L3MBTL4: variants seen among roughly 807,000 people sequenced by gnomAD.
The protein encoded by L3MBTL4 is L3MBTL histone methyl-lysine binding protein 4.
In L3MBTL4, 70 loss-of-function variants were observed where a neutral mutation model predicts 84.5. The ratio of observed to expected loss-of-function variants is 0.83; its 90% CI spans 0.68 to 1.01. L3MBTL4 has a LOEUF of 1.01. Ranked by LOEUF, L3MBTL4 falls within the 50% of genes least tolerant of loss-of-function variation. L3MBTL4 has a pLI of 0.00. For missense variants in L3MBTL4, 715 were observed against 754.8 expected (o/e 0.95, Z 0.62); for synonymous variants, 274 against 259.8 (o/e 1.05, Z -0.52).
rs964027486 is a variant in L3MBTL4, at chr18:5,956,286, C to G, written c.1779G>C (p.Leu593=). The G allele has an allele frequency of 4.3e-6, 7 of 1,614,050 alleles. No homozygotes were observed. Among genetic ancestry groups the G allele is most frequent in the Non-Finnish European group, 5.1e-6 (6 of 1,179,946 alleles). Residue 593 remains leucine (L), a synonymous_variant, in exon 19 of 19, where the codon CTG becomes CTC. Coordinates refer to ENST00000317931, the MANE Select transcript of L3MBTL4 (RefSeq NM_001330559.2). ...GPALKIYNSI[L]MFRHSQELPE... is the part of the protein sequence containing the mutation. The stretch of plus-strand genomic sequence containing the variant: ...GGAGTTCCTGGGAATGCCTGAACAT[C>G]AGGATAGAGTTGTAAATCTTCAGTG...
chr18:6,255,076 T>A (rs2048082313), intron 5 of L3MBTL4, among the ~76,000 whole-genome samples: 1 of 152,230 alleles, frequency 6.6e-6, no homozygotes, highest in South Asian at 2.1e-4. Context: ...GAGTCTAGTG[T>A]CTAAAACAAT....
rs570957634 is a variant in L3MBTL4 at position 6,241,244 on chromosome 18, G to A, written c.552+114C>T. On this transcript the variant is annotated intron_variant, in intron 8 of 18. Transcript: ENST00000317931. The stretch of plus-strand genomic sequence containing the variant: ...AATTAGGTGAGAAAAGTGACAGGAA[G>A]TTAACAGTTTCCATAACTTCTTAAA... The A allele has an allele frequency of 6.7e-4, 458 of 686,132 alleles. 1 individual carries two copies. In the African/African-American group the frequency reaches 7.7e-3, roughly 12 times the overall value. 42.5% of individuals were successfully genotyped at this position (686,132 alleles called of 1,614,324 possible).
intron 13 of L3MBTL4, among the ~76,000 whole-genome samples, chr18:6,163,705 C>T (rs2043482733): frequency 6.6e-6 from 1 of 152,100 alleles, no homozygotes; most frequent in African/African-American, 2.4e-5. Context: ...GAGGGTGAAG[C>T]CAAGATGGCC....
At chr18:6,099,203 A>G (rs1357873352) in intron 14 of L3MBTL4, among the ~76,000 whole-genome samples, 1 of 152,046 alleles carries the variant, frequency 6.6e-6, no homozygotes, top group East Asian at 1.9e-4. Flanking sequence ...AACCCGCCCC[A>G]TTTCAGAACT....
intron 13 of L3MBTL4, among the ~76,000 whole-genome samples, chr18:6,156,164 T>TAG: frequency 6.6e-6 from 1 of 152,288 alleles, no homozygotes; most frequent in African/African-American, 2.4e-5. Flanking sequence ...CACTAAATAC[T>TAG]AGTGCATGAA....
At chr18:6,224,776 G>A (rs943302150) in intron 10 of L3MBTL4, among the ~76,000 whole-genome samples, 1 of 152,044 alleles carries the variant, frequency 6.6e-6, no homozygotes, top group Non-Finnish European at 1.5e-5. Context: ...CACCCTACAG[G>A]AAGGCTCACA....
intron 1 of L3MBTL4, among the ~76,000 whole-genome samples, chr18:6,402,570 T>G (rs963519657): frequency 2.0e-5 from 3 of 152,218 alleles, no homozygotes; most frequent in Non-Finnish European, 1.5e-5. Context: ...CACTTTAAGC[T>G]AAAAACAAAA....
intron 1 of L3MBTL4, among the ~76,000 whole-genome samples, chr18:6,337,239 A>T (rs2052384381): frequency 6.6e-6 from 1 of 152,164 alleles, no homozygotes; most frequent in Admixed American, 6.5e-5. Flanking sequence ...AAATGCCAAA[A>T]ATGTTCCAAA....
Position 6,190,923 on chromosome 18 carries a change from C to T in L3MBTL4, c.982-18981G>A, listed in dbSNP as rs538988520. Among the ~76,000 whole-genome samples, 8 of 152,184 alleles carry T rather than the reference C, an allele frequency of 5.3e-5. No individual in the cohort carries two copies. In the East Asian group the frequency reaches 1.5e-3, roughly 29 times the overall value. ...TAGAGATCCTGAGGTAGCAGTCCAA[C>T]ATGTGTAGGAAAAGCAAGAAGTCTA... On this transcript the variant is annotated intron_variant, in intron 12 of 18. Transcript: ENST00000317931.
intron 4 of L3MBTL4, among the ~76,000 whole-genome samples, chr18:6,297,794 C>T (rs1469369254): frequency 6.6e-6 from 1 of 152,126 alleles, no homozygotes; most frequent in Non-Finnish European, 1.5e-5. Context: ...TCATTTTAGC[C>T]ATCATTCAGA....
At chr18:6,327,158 C>G (rs1158424915) in intron 1 of L3MBTL4, among the ~76,000 whole-genome samples, 4 of 152,206 alleles carry the variant, frequency 2.6e-5, no homozygotes, top group African/African-American at 9.7e-5. Context: ...ATCAGGAGCT[C>G]TCACATCCTG....
chr18:6,384,542 T>A (rs1237706058), intron 1 of L3MBTL4, among the ~76,000 whole-genome samples: 1 of 152,238 alleles, frequency 6.6e-6, no homozygotes, highest in Non-Finnish European at 1.5e-5. Context: ...AACTCTCTCT[T>A]CTTTCACTGA....
At chr18:6,160,091 G>A (rs2043261920) in intron 13 of L3MBTL4, among the ~76,000 whole-genome samples, 1 of 152,182 alleles carries the variant, frequency 6.6e-6, no homozygotes, top group Non-Finnish European at 1.5e-5. Flanking sequence ...CCCTGCTGGT[G>A]GACTGGCACA....
chr18:6,219,099 C>G (rs540641779), intron 10 of L3MBTL4, among the ~76,000 whole-genome samples: 4 of 152,160 alleles, frequency 2.6e-5, no homozygotes, highest in African/African-American at 9.6e-5. Flanking sequence ...GTGAGGTACA[C>G]TTTTATCTAC....
chr18:6,302,253 G>C (rs1261371428), intron 3 of L3MBTL4, among the ~76,000 whole-genome samples: 1 of 152,128 alleles, frequency 6.6e-6, no homozygotes, highest in Non-Finnish European at 1.5e-5. Context: ...TGGATCCCTG[G>C]GCCTGACAGT....
intron 1 of L3MBTL4, among the ~76,000 whole-genome samples, chr18:6,386,608 G>A (rs1260400108): frequency 1.3e-5 from 2 of 152,146 alleles, no homozygotes; most frequent in African/African-American, 4.8e-5. Flanking sequence ...CTCTACCACA[G>A]GCGGATCTGA....
At chr18:6,108,053 A>T (rs1456564931) in intron 14 of L3MBTL4, among the ~76,000 whole-genome samples, 1 of 152,062 alleles carries the variant, frequency 6.6e-6, no homozygotes, top group East Asian at 1.9e-4. Flanking sequence ...GTCACTTGCA[A>T]CACACTCCTG....
chr18:6,072,524 A>G (rs2057693948), intron 16 of L3MBTL4, among the ~76,000 whole-genome samples: 1 of 152,130 alleles, frequency 6.6e-6, no homozygotes, highest in East Asian at 1.9e-4. Flanking sequence ...TAACGCTAAT[A>G]TAGTTTTAGG....
At chr18:6,069,888 T>C (rs1300124896) in intron 16 of L3MBTL4, among the ~76,000 whole-genome samples, 4 of 152,124 alleles carry the variant, frequency 2.6e-5, no homozygotes, top group African/African-American at 9.7e-5. Context: ...CATAGGTAAA[T>C]TGCTAAACTA....
Sources: gnomAD v4.1 joint callset for allele counts (sites outside exome capture counted in the v4.1 genomes callset) on GRCh38, gnomAD v4.1.1 for gene constraint, MANE v1.5 for transcripts, NCBI Gene and HGNC (gene_info 2026-07-23, HGNC 2026-07-21) for gene names.